FLNC: variants seen among roughly 807,000 people sequenced by gnomAD.
The protein encoded by FLNC is filamin C, also known as filamin-C.
Under a neutral mutation model 254.3 loss-of-function variants are expected in FLNC, and 91 were observed. That is an observed-to-expected ratio of 0.36 (90% CI 0.30 to 0.43). FLNC has a LOEUF of 0.43. Ranked by LOEUF, FLNC falls within the 20% of genes least tolerant of loss-of-function variation. FLNC has a pLI of 1.00. For missense variants in FLNC, 2,853 were observed against 3,802.6 expected (o/e 0.75, Z 6.57); for synonymous variants, 1,430 against 1,577.2 (o/e 0.91, Z 2.21).
intron 1 of FLNC, 99 bp downstream of exon 1, chr7:128,831,088 A>C: frequency 9.1e-7 from 1 of 1,102,072 alleles, no homozygotes; most frequent in Non-Finnish European, 1.3e-6. Flanking sequence ...GCTGAGAGAC[A>C]GGGCGGAGGG....
chr7:128,855,466 G>C (rs1809017379), intron 43 of FLNC, 152 bp downstream of exon 43: 1 of 679,296 alleles, frequency 1.5e-6, no homozygotes, highest in African/African-American at 1.8e-5. Flanking sequence ...AGGGCCCTTG[G>C]GGACGGTGGG....
chr7:128,849,161 A>T lies in FLNC; in HGVS notation c.4928-20A>T. Reference sequence around the variant, plus strand: ...CCCACGTTGAGCACCGCCTGGCCTCACACTCTTCTCTCTTTCCAGTGTCCA... The same window carrying T: ...CCCACGTTGAGCACCGCCTGGCCTCTCACTCTTCTCTCTTTCCAGTGTCCA... On this transcript the variant is annotated intron_variant, in intron 28 of 47. Coordinates refer to ENST00000325888, the MANE Select transcript of FLNC (RefSeq NM_001458.5). The T allele has an allele frequency of 2.5e-6, 4 of 1,612,188 alleles. No individual in the cohort carries two copies. Among genetic ancestry groups the T allele is most frequent in the Non-Finnish European group, 3.4e-6 (4 of 1,179,652 alleles).
chr7:128,837,505 A>G lies in FLNC; in HGVS notation c.807A>G (p.Arg269=). The G allele has an allele frequency of 6.2e-7, 1 of 1,614,122 alleles. No homozygotes were observed. The highest frequency in any genetic ancestry group is 8.5e-7 in the Non-Finnish European group (1 of 1,180,004). The change falls in exon 4 of 48, where the codon CGA becomes CGG. Residue 269 remains arginine (R), a synonymous_variant. Transcript: ENST00000325888. ...KAKLKPGAPV[R]SKQLNPKKAI... Reference sequence around the variant, plus strand: ...AGCTCAAACCTGGTGCCCCTGTTCGATCCAAGCAGCTGAACCCCAAGAAAG... The same window carrying G: ...AGCTCAAACCTGGTGCCCCTGTTCGGTCCAAGCAGCTGAACCCCAAGAAAG...
At chr7:128,847,183 C>G (rs1288172696) in intron 24 of FLNC, among the ~76,000 whole-genome samples, 2 of 152,244 alleles carry the variant, frequency 1.3e-5, no homozygotes, top group African/African-American at 4.8e-5. Context: ...CCACCACTCA[C>G]TGTGTGTCCA....
In FLNC at chr7:128,843,501, G is replaced by A; in HGVS notation, c.2735G>A (p.Gly912Asp). 3 of 1,614,030 alleles carry A rather than the reference G, an allele frequency of 1.9e-6. No homozygotes were observed. In the East Asian group the frequency reaches 6.7e-5, roughly 36 times the overall value. Residue 912 changes from glycine to aspartate, a missense_variant, in exon 18 of 48, where the codon GGC becomes GAC. Coordinates refer to ENST00000325888, the MANE Select transcript of FLNC (RefSeq NM_001458.5). ...GTGCAGTTTGCAGGGACAGCCAAGGGCGAGGTTGTGCGGGACTTTGAGATC... is the reference window on the plus strand; with the variant it reads ...GTGCAGTTTGCAGGGACAGCCAAGGACGAGGTTGTGCGGGACTTTGAGATC... ...LDVQFAGTAK[G>D]EVVRDFEIID...
intron 43 of FLNC, 83 bp downstream of exon 43, chr7:128,855,397 G>C: frequency 1.1e-6 from 1 of 898,666 alleles, no homozygotes; most frequent in Non-Finnish European, 1.8e-6. Context: ...ATGGGGCCAG[G>C]GATTTAGCAG....
At position 128,836,750 on chromosome 7, in the gene FLNC, G is replaced by T. The variant is rs373679976; in HGVS notation, c.602-410G>T. On this transcript the variant is annotated intron_variant, in intron 2 of 47. Coordinates refer to ENST00000325888, the MANE Select transcript of FLNC (RefSeq NM_001458.5). The surrounding 1 kb of genome is among the most constrained non-coding windows in gnomAD (Gnocchi z 6.0). ...GGGCAGCTGTGAGGAGGCCTTCTAGGGGGGATGGGTCAGGGGCATATGTGG... is the reference window on the plus strand; with the variant it reads ...GGGCAGCTGTGAGGAGGCCTTCTAGTGGGGATGGGTCAGGGGCATATGTGG... Among the ~76,000 whole-genome samples, 1 of 152,158 alleles carries T rather than the reference G, an allele frequency of 6.6e-6. No homozygotes were observed. The highest frequency in any genetic ancestry group is 2.4e-5 in the African/African-American group (1 of 41,414).
intron 41 of FLNC, 46 bp downstream of exon 41, chr7:128,854,728 G>A: frequency 6.2e-7 from 1 of 1,613,336 alleles, no homozygotes. Flanking sequence ...AGGGCAGCCA[G>A]TGTGAGGGGC....
At position 128,845,080 on chromosome 7, in the gene FLNC, C is replaced by CA; in HGVS notation, c.3617dup (p.Asn1206LysfsTer56). Reference sequence around the variant, plus strand: ...GGGTCAAGGCCGAGGTGCTGATCCACAACAACGCGGATGGCACCTACCACA... The same window carrying CA: ...GGGTCAAGGCCGAGGTGCTGATCCACAAACAACGCGGATGGCACCTACCACA... On this transcript the variant is annotated frameshift_variant, in exon 21 of 48. Coordinates refer to ENST00000325888, the MANE Select transcript of FLNC (RefSeq NM_001458.5). LOFTEE classifies it high-confidence loss of function. 6.2e-7 allele frequency: 1 copy of CA among 1,613,866 alleles called. No homozygotes were observed. Among genetic ancestry groups the CA allele is most frequent in the Non-Finnish European group, 8.5e-7 (1 of 1,180,048 alleles).
At position 128,852,926 on chromosome 7, in the gene FLNC, C is replaced by T. The variant is rs777415643; in HGVS notation, c.6103C>T (p.Pro2035Ser). The T allele has an allele frequency of 3.1e-6, 5 of 1,613,656 alleles. No individual in the cohort carries two copies. Among genetic ancestry groups the T allele is most frequent in the Non-Finnish European group, 4.2e-6 (5 of 1,180,026 alleles). Residue 2035 changes from proline to serine, a missense_variant, in exon 37 of 48, where the codon CCA (proline) becomes TCA (serine). Transcript: ENST00000325888. ...CAGCCCCTTCAAGATCCTGGTGGGG[C>T]CATCTGAGATCGGGGACGCCAGCAA... ...TNSPFKILVG[P>S]SEIGDASKVR...
Position 128,857,424 on chromosome 7 carries a change from T to A in FLNC, c.7780+88T>A. ...GTGGCCACGCACATCTAGGCCATAG[T>A]CTGCCCCCAGACATCATGGTCAGTT... On this transcript the variant is annotated intron_variant, in intron 46 of 47. Transcript: ENST00000325888. The surrounding 1 kb of genome is among the most constrained non-coding windows in gnomAD (Gnocchi z 4.5). 1.3e-6 allele frequency: 1 copy of A among 799,936 alleles called. No individual in the cohort carries two copies. Among genetic ancestry groups the A allele is most frequent in the Non-Finnish European group, 2.1e-6 (1 of 470,826 alleles). The allele number at this position is 799,936 out of a possible 1,614,324, so 49.6% of individuals were successfully genotyped here.
chr7:128,838,166 C>G, intron 6 of FLNC, 101 bp from the exon 7 acceptor site: 1 of 1,496,452 alleles, frequency 6.7e-7, no homozygotes, highest in East Asian at 2.3e-5. Flanking sequence ...GCCCAGAGCC[C>G]CAGCTGCCCG....
At chr7:128,853,933 C>T (rs773593195) in intron 39 of FLNC, 41 bp from the exon 40 acceptor site, 16 of 1,613,218 alleles carry the variant, frequency 9.9e-6, no homozygotes, top group Non-Finnish European at 1.3e-5. Flanking sequence ...CTTCCTCACC[C>T]CTCGCTTCCC....
rs2128937656 is a variant in FLNC, at chr7:128,848,888, C to T, written c.4833C>T (p.Thr1611=). The T allele has an allele frequency of 6.2e-7, 1 of 1,614,038 alleles. No individual in the cohort carries two copies. Among genetic ancestry groups the T allele is most frequent in the Non-Finnish European group, 8.5e-7 (1 of 1,180,004 alleles). ...SYLPDMSGRY[T]ITIKYGGDEI... is the part of the protein sequence containing the mutation. Reference sequence around the variant, plus strand: ...TGCCGGACATGAGTGGCCGGTACACCATCACCATCAAGTATGGCGGTGATG... The same window carrying T: ...TGCCGGACATGAGTGGCCGGTACACTATCACCATCAAGTATGGCGGTGATG... Residue 1611 remains threonine (T), a synonymous_variant, in exon 28 of 48, where the codon ACC becomes ACT. Coordinates refer to ENST00000325888, the MANE Select transcript of FLNC (RefSeq NM_001458.5).
intron 21 of FLNC, 102 bp from the exon 22 acceptor site, chr7:128,845,884 GGGGA>G: frequency 1.0e-6 from 1 of 985,128 alleles, no homozygotes; most frequent in Non-Finnish European, 1.6e-6. Flanking sequence ...GGGAAGAGGA[GGGGA>G]AGAGGAGAGG....
chr7:128,843,280 A>G lies in FLNC; in HGVS notation c.2602A>G (p.Ser868Gly), dbSNP rs201002262. The G allele has an allele frequency of 1.1e-4, 175 of 1,612,074 alleles. No individual in the cohort carries two copies. Among genetic ancestry groups the G allele is most frequent in the Non-Finnish European group, 1.4e-4 (164 of 1,179,158 alleles). The change falls in exon 17 of 48, where the codon AGC becomes GGC. Residue 868 changes from serine (S) to glycine (G), a missense_variant. Around this residue, in one of 10 missense-constraint regions of FLNC, gnomAD observed 1,573 missense variants for 1,883.5 expected, o/e 0.84. Transcript: ENST00000325888. ...HIKVDPSHDA[S>G]KVKAEGPGLN... ...CAAGGTGGACCCATCCCACGATGCC[A>G]GCAAAGTCAAGGCCGAGGGCCCTGG...
At position 128,854,671 on chromosome 7, in the gene FLNC, C is replaced by G. The variant is rs746991573; in HGVS notation, c.6986C>G (p.Ala2329Gly). ...GGCACAGGGCTGGAGCGAGGTGTGG[C>G]CGGCGTGCCAGGTAAGGGGCAGGTG... ...AGGTGLERGVAGVPAEFSIWT... is the reference protein window; with the variant it reads ...AGGTGLERGVGGVPAEFSIWT... Residue 2329 changes from alanine (A) to glycine (G), a missense_variant, in exon 41 of 48, where the codon GCC becomes GGC. Ala to Gly is a moderately conservative substitution (Grantham distance 60). Transcript: ENST00000325888. 3.7e-6 allele frequency: 6 copies of G among 1,612,314 alleles called. No homozygotes were observed. The Admixed American group carries it at 6.7e-5, about 18-fold the overall frequency.
chr7:128,851,197 T>C (rs1489340244), intron 33 of FLNC, 35 bp from the exon 34 acceptor site: 1 of 1,613,626 alleles, frequency 6.2e-7, no homozygotes. Context: ...TAATCCCTGA[T>C]GCTGACCCAG....
At position 128,851,481 on chromosome 7, in the gene FLNC, C is replaced by T. The variant is rs777741610; in HGVS notation, c.5695C>T (p.Pro1899Ser). Residue 1899 changes from proline to serine, a missense_variant, in exon 35 of 48, where the codon CCA becomes TCA. By Grantham distance (74) the Pro-to-Ser change is moderately conservative. This residue lies in a region of FLNC where 551 missense variants were observed against 835.0 expected (regional missense o/e 0.66). Coordinates refer to ENST00000325888, the MANE Select transcript of FLNC (RefSeq NM_001458.5). ...GGGTCTGTCACTGGCCGTGGAGGGC[C>T]CATCCAAGGCAGAGATCACCTGTAA... ...EGGLSLAVEG[P>S]SKAEITCKDN... is the part of the protein sequence containing the mutation. The T allele has an allele frequency of 1.4e-5, 23 of 1,613,972 alleles. No individual in the cohort carries two copies.
Sources: allele counts gnomAD v4.1 joint callset (sites outside exome capture counted in the v4.1 genomes callset), GRCh38; gene constraint gnomAD v4.1.1; regional missense constraint gnomAD v4.1.1; non-coding constraint Gnocchi (gnomAD v3.1); transcripts MANE v1.5; gene names NCBI Gene and HGNC (gene_info 2026-07-23, HGNC 2026-07-21).